Variants in GUCY1A2 observed in about 807,000 individuals in gnomAD.
GUCY1A2 encodes the protein guanylate cyclase 1 soluble subunit alpha 2.
A neutral mutation model predicts 63.5 loss-of-function variants in GUCY1A2; 27 were observed. The observed-to-expected ratio is 0.43, with a 90% confidence interval of 0.31 to 0.59. GUCY1A2 has a LOEUF of 0.59. GUCY1A2 is among the 20% of genes least tolerant of loss of function. The pLI, the probability that GUCY1A2 is intolerant of heterozygous loss-of-function variation, is 0.11. For synonymous variants in GUCY1A2, 364 were observed against 343.5 expected, an observed-to-expected ratio of 1.06 and a Z score of -0.66; for missense variants, 768 against 913.3, an observed-to-expected ratio of 0.84 and a Z score of 2.05.
Position 106,679,050 on chromosome 11 carries a change from T to G in GUCY1A2, c.*8499A>C. On this transcript the variant is annotated 3_prime_UTR_variant, in exon 8 of 8. Transcript: ENST00000526355. ...CACATTCAGAAAACTTTCAAAAGTC[T>G]CTGACATTCTAAGTTTTGGATATGA... 2 of 187,448 alleles carry G rather than the reference T, an allele frequency of 1.1e-5. No individual in the cohort carries two copies. Among genetic ancestry groups the G allele is most frequent in the Non-Finnish European group, 1.1e-5 (1 of 88,760 alleles). The allele number at this position is 187,448 out of a possible 1,614,324, so 11.6% of individuals were successfully genotyped here. A position where few individuals can be genotyped will look rare whatever the true frequency, so the allele number is the denominator to read the frequency against.
chr11:106,692,924 T>C (rs1339400101), intron 7 of GUCY1A2, among the ~76,000 whole-genome samples: 1 of 152,202 alleles, frequency 6.6e-6, no homozygotes, highest in Non-Finnish European at 1.5e-5. Context: ...CAGCCTCTAA[T>C]AGCGGCAGAC....
intron 6 of GUCY1A2, among the ~76,000 whole-genome samples, chr11:106,723,943 C>T (rs1377824778): frequency 2.6e-5 from 4 of 152,172 alleles, no homozygotes; most frequent in South Asian, 2.1e-4. Context: ...TGTTTCACCT[C>T]GTAAAGGGAG....
chr11:106,723,267 C>G (rs1264912654), intron 6 of GUCY1A2, among the ~76,000 whole-genome samples: 1 of 152,202 alleles, frequency 6.6e-6, no homozygotes, highest in Non-Finnish European at 1.5e-5. Context: ...TAGTTTCTCA[C>G]TTTTCAGACC....
intron 4 of GUCY1A2, among the ~76,000 whole-genome samples, chr11:106,816,215 C>T (rs1488662987): frequency 5.2e-5 from 7 of 134,464 alleles, no homozygotes; most frequent in East Asian, 2.1e-4. Flanking sequence ...GAACATATAC[C>T]GACCAAATCC....
intron 4 of GUCY1A2, among the ~76,000 whole-genome samples, chr11:106,854,478 T>A (rs1209792763): frequency 6.6e-6 from 1 of 152,058 alleles, no homozygotes; most frequent in Non-Finnish European, 1.5e-5. Context: ...TTCTGGCTAG[T>A]GGACAAGGGG....
At chr11:106,810,897 T>A (rs1290988272) in intron 4 of GUCY1A2, among the ~76,000 whole-genome samples, 2 of 152,054 alleles carry the variant, frequency 1.3e-5, no homozygotes, top group Middle Eastern at 3.2e-3. Flanking sequence ...AATACCCCTT[T>A]CAGAAAATAA....
At chr11:106,858,613 T>C (rs868237037) in intron 4 of GUCY1A2, among the ~76,000 whole-genome samples, 8 of 152,238 alleles carry the variant, frequency 5.3e-5, no homozygotes, top group South Asian at 4.1e-4. Context: ...GCCTCTATGA[T>C]GCCTGGCACG....
intron 5 of GUCY1A2, among the ~76,000 whole-genome samples, chr11:106,804,488 A>G (rs1260877047): frequency 6.6e-6 from 1 of 152,218 alleles, no homozygotes; most frequent in East Asian, 1.9e-4. Context: ...AAGTACTTTG[A>G]AAGGCAACAA....
chr11:106,682,337 A>G lies in GUCY1A2; in HGVS notation c.*5212T>C. On this transcript the variant is annotated 3_prime_UTR_variant, in exon 8 of 8. Transcript: ENST00000526355. ...GGGATTATTTGAATACTTTTCAATG[A>G]TTCCCAAGTCTGGCTGTATATTAGC... is the stretch of plus-strand genomic sequence containing the variant. 1 of 217,864 alleles carries G rather than the reference A, an allele frequency of 4.6e-6. No homozygotes were observed. Among genetic ancestry groups the G allele is most frequent in the Non-Finnish European group, 9.2e-6 (1 of 108,332 alleles). 13.5% of individuals were successfully genotyped at this position (217,864 alleles called of 1,614,324 possible). A position where few individuals can be genotyped will look rare whatever the true frequency, so the allele number is the denominator to read the frequency against.
intron 4 of GUCY1A2, among the ~76,000 whole-genome samples, chr11:106,891,536 T>C (rs1477117144): frequency 1.3e-5 from 2 of 152,146 alleles, no homozygotes; most frequent in Admixed American, 6.6e-5. Context: ...TGAAGATATT[T>C]TGTGATTTGC....
chr11:106,836,670 A>C (rs1859121599), intron 4 of GUCY1A2, among the ~76,000 whole-genome samples: 1 of 151,982 alleles, frequency 6.6e-6, no homozygotes, highest in African/African-American at 2.4e-5. Flanking sequence ...TTTTACTGTA[A>C]TACGCAATTT....
At chr11:106,722,115 A>G (rs1335960162) in intron 6 of GUCY1A2, among the ~76,000 whole-genome samples, 1 of 152,176 alleles carries the variant, frequency 6.6e-6, no homozygotes, top group African/African-American at 2.4e-5. Context: ...TATGCCAGGC[A>G]CAAATGTTCC....
At chr11:106,766,329 T>C (rs1048213456) in intron 6 of GUCY1A2, among the ~76,000 whole-genome samples, 1 of 152,144 alleles carries the variant, frequency 6.6e-6, no homozygotes, top group Non-Finnish European at 1.5e-5. Context: ...GCATCTTTGG[T>C]ACACTGTGTG....
At position 106,677,351 on chromosome 11, in the gene GUCY1A2, A is replaced by T. The variant is rs1862363892; in HGVS notation, c.*10198T>A. 1 of 213,194 alleles carries T rather than the reference A, an allele frequency of 4.7e-6. No individual in the cohort carries two copies. The highest frequency in any genetic ancestry group is 9.5e-6 in the Non-Finnish European group (1 of 105,296). The allele number at this position is 213,194 out of a possible 1,614,324, so 13.2% of individuals were successfully genotyped here. ...TCAAGAATTTTATTCATGAACACCA[A>T]ACTCAACTGATTCAAGCTGTCACCA... On this transcript the variant is annotated 3_prime_UTR_variant, in exon 8 of 8. Coordinates refer to ENST00000526355, the MANE Select transcript of GUCY1A2 (RefSeq NM_000855.3).
At position 106,810,035 on chromosome 11, in the gene GUCY1A2, G is replaced by A. The variant is rs1352075840; in HGVS notation, c.1650C>T (p.Tyr550=). 1 of 1,611,630 alleles carries A rather than the reference G, an allele frequency of 6.2e-7. No individual in the cohort carries two copies. The highest frequency in any genetic ancestry group is 1.7e-5 in the Admixed American group (1 of 59,936). Residue 550 remains tyrosine, a synonymous_variant, in exon 5 of 8, where the codon TAC becomes TAT. Coordinates refer to ENST00000526355, the MANE Select transcript of GUCY1A2 (RefSeq NM_000855.3). Reference sequence around the variant, plus strand: ...ATCCACACTGGTGGTCAAATCTGGTGTACAGTTCATTCAGCATGCTGATTA... The same window carrying A: ...ATCCACACTGGTGGTCAAATCTGGTATACAGTTCATTCAGCATGCTGATTA... ...MQVISMLNEL[Y]TRFDHQCGFL... is the part of the protein sequence containing the mutation.
chr11:106,955,136 C>T (rs1007777710), intron 3 of GUCY1A2, among the ~76,000 whole-genome samples: 2 of 152,128 alleles, frequency 1.3e-5, no homozygotes, highest in South Asian at 2.1e-4. Context: ...CCATGCCCAA[C>T]TAATTTTGTA....
chr11:106,959,381 T>C (rs771749205), intron 3 of GUCY1A2, among the ~76,000 whole-genome samples: 1 of 152,240 alleles, frequency 6.6e-6, no homozygotes, highest in Non-Finnish European at 1.5e-5. Flanking sequence ...ATTCATTTTT[T>C]CAGTGTCCCC....
At chr11:106,938,207 G>A (rs1393130537) in intron 4 of GUCY1A2, among the ~76,000 whole-genome samples, 3 of 152,096 alleles carry the variant, frequency 2.0e-5, no homozygotes, top group African/African-American at 7.2e-5. Context: ...GCCTCCCAAA[G>A]TGTTGGGATT....
chr11:106,736,035 C>G (rs1863584195), intron 6 of GUCY1A2, among the ~76,000 whole-genome samples: 1 of 151,634 alleles, frequency 6.6e-6, no homozygotes, highest in Admixed American at 6.6e-5. Flanking sequence ...GTTTTTAATC[C>G]CTTGTCAGAT....
Sources: gnomAD v4.1 joint callset for allele counts (sites outside exome capture counted in the v4.1 genomes callset) on GRCh38, gnomAD v4.1.1 for gene constraint, MANE v1.5 for transcripts, NCBI Gene and HGNC (gene_info 2026-07-23, HGNC 2026-07-21) for gene names.